MEP1A: variants seen among roughly 807,000 people sequenced by gnomAD.
MEP1A encodes meprin A subunit alpha.
In MEP1A, 68 loss-of-function variants were observed where a neutral mutation model predicts 84.5. The observed-to-expected ratio is 0.80, with a 90% CI of 0.66 to 0.98. The LOEUF (loss-of-function observed/expected upper bound fraction) is 0.98. Ranked by LOEUF, MEP1A falls within the 50% of genes least tolerant of loss-of-function variation. MEP1A has a pLI of 0.00. For missense variants in MEP1A, 887 were observed against 919.9 expected, an observed-to-expected ratio of 0.96 and a Z score of 0.46; for synonymous variants, 337 against 336.8, an observed-to-expected ratio of 1.00 and a Z score of -0.01.
intron 3 of MEP1A, among the ~76,000 whole-genome samples, chr6:46,797,798 CTTTCTTTCTTTCTTTCTTTCTT>C (rs1767082612): frequency 3.8e-5 from 1 of 26,430 alleles, no homozygotes; most frequent in African/African-American, 1.2e-4. Context: ...CTTTCTCTTT[CTTTCTTTCTTTCTTTCTTTCTT>C]TCTTTCTTTC....
chr6:46,829,695 C>T, intron 10 of MEP1A, 124 bp downstream of exon 10: 1 of 701,158 alleles, frequency 1.4e-6, no homozygotes, highest in African/African-American at 1.8e-5. Flanking sequence ...CCTCCACCCA[C>T]TTTCTTCTCT....
At position 46,835,550 on chromosome 6, in the gene MEP1A, G is replaced by A. The variant is rs761633900; in HGVS notation, c.2084+1G>A. 1 of 1,613,220 alleles carries A rather than the reference G, an allele frequency of 6.2e-7. No homozygotes were observed. Among genetic ancestry groups the A allele is most frequent in the Non-Finnish European group, 8.5e-7 (1 of 1,179,636 alleles). The stretch of plus-strand genomic sequence containing the variant: ...ACGTGAAGGGGATGGCGAGCTGCAG[G>A]TAGGCTCTGTGGCTGGGGAGACAGG... On this transcript the variant is annotated splice_donor_variant, in intron 13 of 13. Coordinates refer to ENST00000230588, the MANE Select transcript of MEP1A (RefSeq NM_005588.3). LOFTEE classifies it high-confidence loss of function.
chr6:46,837,358 T>C (rs1285778949), intron 13 of MEP1A, among the ~76,000 whole-genome samples: 2 of 152,236 alleles, frequency 1.3e-5, no homozygotes, highest in Non-Finnish European at 2.9e-5. Flanking sequence ...CTCTTCCAGG[T>C]TGGCTCCTGT....
chr6:46,810,380 T>G (rs1767469176), intron 6 of MEP1A, among the ~76,000 whole-genome samples: 1 of 152,172 alleles, frequency 6.6e-6, no homozygotes, highest in South Asian at 2.1e-4. Flanking sequence ...CTTTGTTGGA[T>G]GTATACATTG....
chr6:46,795,509 T>C (rs12203553), intron 3 of MEP1A, among the ~76,000 whole-genome samples: 5,857 of 152,064 alleles, frequency 0.039, 104 homozygotes, highest in South Asian at 0.061. Context: ...CTATGTTGGC[T>C]AGGCTGGTCT....
chr6:46,793,643 A>AT (rs201058372), intron 2 of MEP1A, 23 bp from the exon 3 acceptor site: 40 of 1,592,402 alleles, frequency 2.5e-5, no homozygotes, highest in Admixed American at 6.8e-5. Flanking sequence ...ACTAATAATA[A>AT]TTTTTTTTCT....
chr6:46,824,750 G>A lies in MEP1A; in HGVS notation c.557-522G>A, dbSNP rs192351216. On this transcript the variant is annotated intron_variant, in intron 7 of 13. Coordinates refer to ENST00000230588, the MANE Select transcript of MEP1A (RefSeq NM_005588.3). ...ATATAAATTATGTATTTAAATAGATGTATTTAAATATATATAAATTATGTA... is the reference window on the plus strand; with the variant it reads ...ATATAAATTATGTATTTAAATAGATATATTTAAATATATATAAATTATGTA... 1.2e-3 allele frequency among the ~76,000 whole-genome samples: 72 copies of A among 62,152 alleles called. 2 individuals carry two copies. The highest frequency in any genetic ancestry group is 2.9e-3 in the African/African-American group (63 of 21,768). The allele number at this position is 62,152 out of a possible 152,430, so 40.8% of individuals were successfully genotyped here.
At chr6:46,836,590 C>T (rs1768222287) in intron 13 of MEP1A, among the ~76,000 whole-genome samples, 1 of 152,170 alleles carries the variant, frequency 6.6e-6, no homozygotes, top group Non-Finnish European at 1.5e-5. Flanking sequence ...TGGTACAATG[C>T]TAGTAAATAA....
chr6:46,841,814 C>T (rs986345433), downstream of MEP1A, among the ~76,000 whole-genome samples: 10 of 152,218 alleles, frequency 6.6e-5, no homozygotes, highest in Non-Finnish European at 1.5e-5. Flanking sequence ...CTCTAACCCC[C>T]TCTCTGATGA....
chr6:46,833,418 C>A lies in MEP1A; in HGVS notation c.1489C>A (p.Leu497Met), dbSNP rs1768124826. 1 of 1,614,106 alleles carries A rather than the reference C, an allele frequency of 6.2e-7. No individual in the cohort carries two copies. Among genetic ancestry groups the A allele is most frequent in the African/African-American group, 1.3e-5 (1 of 75,040 alleles). Residue 497 changes from leucine to methionine, a missense_variant, in exon 11 of 14, where the codon CTG becomes ATG. Coordinates refer to ENST00000230588, the MANE Select transcript of MEP1A (RefSeq NM_005588.3). ...GTGCAGTGGGGAGAACGATGCTATC[C>A]TGGAGTGGCCGGTAGAAAACAGACA... is the stretch of plus-strand genomic sequence containing the variant. ...HVCSGENDAI[L>M]EWPVENRQVI...
In MEP1A at chr6:46,825,441, C is replaced by G. The variant is rs1448651734; in HGVS notation, c.726C>G (p.Arg242=). The stretch of plus-strand genomic sequence containing the variant: ...AGTTTAACTCCATTATCGGACAGCG[C>G]CTGGATTTCAGTGCCATTGATTTAG... ...IPEFNSIIGQ[R]LDFSAIDLER... Residue 242 remains arginine, a synonymous_variant, in exon 8 of 14, where the codon CGC becomes CGG. Transcript: ENST00000230588. 1.2e-6 allele frequency: 2 copies of G among 1,613,814 alleles called. No individual in the cohort carries two copies. The highest frequency in any genetic ancestry group is 2.2e-5 in the South Asian group (2 of 91,050).
intron 10 of MEP1A, among the ~76,000 whole-genome samples, chr6:46,830,247 T>TAAAAAAA (rs56033423): frequency 2.0e-5 from 1 of 50,106 alleles, no homozygotes; most frequent in African/African-American, 8.2e-5. Context: ...AGACTCCATC[T>TAAAAAAA]AAAAAAAAAA....
intron 11 of MEP1A, 71 bp from the exon 12 acceptor site, chr6:46,834,507 C>T: frequency 2.8e-6 from 2 of 705,350 alleles, no homozygotes; most frequent in Non-Finnish European, 4.5e-6. Flanking sequence ...GCCCTGTATC[C>T]TCATTAAAGA....
chr6:46,829,143 C>T (rs1437675227), intron 9 of MEP1A, among the ~76,000 whole-genome samples: 3 of 152,204 alleles, frequency 2.0e-5, no homozygotes, highest in Non-Finnish European at 2.9e-5. Context: ...GGCAATCAAA[C>T]ACAACAGTGG....
intron 5 of MEP1A, among the ~76,000 whole-genome samples, chr6:46,801,198 C>G (rs141764892): frequency 6.6e-5 from 10 of 152,202 alleles, no homozygotes; most frequent in African/African-American, 1.7e-4. Context: ...AAACGCCAAA[C>G]AGTTTTCCAA....
chr6:46,821,243 G>A (rs1767767336), intron 7 of MEP1A, among the ~76,000 whole-genome samples: 1 of 152,138 alleles, frequency 6.6e-6, no homozygotes, highest in African/African-American at 2.4e-5. Flanking sequence ...GTGGATTGGT[G>A]TAGTAAGGAA....
chr6:46,825,226 G>A, intron 7 of MEP1A, 46 bp from the exon 8 acceptor site: 1 of 1,331,232 alleles, frequency 7.5e-7, no homozygotes, highest in Non-Finnish European at 1.1e-6. Flanking sequence ...GTAGCATGGG[G>A]AAAATAACAT....
At chr6:46,841,553 T>G (rs34183017), downstream of MEP1A, among the ~76,000 whole-genome samples, 43,138 of 151,924 alleles carry the variant, frequency 0.28, 6,995 homozygotes, top group Middle Eastern at 0.37. Flanking sequence ...AGGATTTAGA[T>G]GAGCAACATG....
chr6:46,816,253 G>C (rs1377966877), intron 6 of MEP1A, among the ~76,000 whole-genome samples: 3 of 152,132 alleles, frequency 2.0e-5, no homozygotes, highest in African/African-American at 7.2e-5. Flanking sequence ...CACCGCGCCC[G>C]GCCTCATTCT....
Sources: gnomAD v4.1 joint callset for allele counts (sites outside exome capture counted in the v4.1 genomes callset) on GRCh38, gnomAD v4.1.1 for gene constraint, MANE v1.5 for transcripts, NCBI Gene and HGNC (gene_info 2026-07-23, HGNC 2026-07-21) for gene names.